The following SEMA5A variants were observed in gnomAD, a reference collection of about 807,000 sequenced individuals.
SEMA5A encodes semaphorin 5A, also known as semaphorin-5A.
In SEMA5A, 55 loss-of-function variants were observed where a neutral mutation model predicts 135.5. That is an observed-to-expected ratio of 0.41 (90% confidence interval 0.33 to 0.51). SEMA5A has a LOEUF of 0.51. SEMA5A is among the 20% of genes least tolerant of loss of function. The probability of loss-of-function intolerance (pLI) is 0.37; values close to 1 mark genes in which losing one functional copy is unlikely to be tolerated. For synonymous variants in SEMA5A, 580 were observed against 546.5 expected (o/e 1.06, Z -0.85); for missense variants, 1,290 against 1,419.9 (o/e 0.91, Z 1.47).
intron 2 of SEMA5A, among the ~76,000 whole-genome samples, chr5:9,403,549 G>A (rs1447720576): frequency 2.6e-5 from 4 of 152,144 alleles, no homozygotes; most frequent in Non-Finnish European, 5.9e-5. Flanking sequence ...CTTGTGGGTT[G>A]CTATAAGGAT....
rs180944037 is a variant in SEMA5A at position 9,225,501 on chromosome 5, G to A, written c.433-614C>T. Among the ~76,000 whole-genome samples the A allele has an allele frequency of 5.1e-3, 768 of 150,292 alleles. 2 individuals carry two copies. The highest frequency in any genetic ancestry group is 0.018 in the African/African-American group (720 of 40,770). ...GGAGAATCGCTTGAACCCAGGAGGC[G>A]GATGTTGCAGCGAGCCAAAATCGTG... On this transcript the variant is annotated intron_variant, in intron 7 of 22. Transcript: ENST00000382496.
chr5:9,350,660 C>A (rs1754073130), intron 3 of SEMA5A, among the ~76,000 whole-genome samples: 1 of 152,188 alleles, frequency 6.6e-6, no homozygotes, highest in Non-Finnish European at 1.5e-5. Context: ...ACCAAGGCTA[C>A]ATTGCATTTC....
intron 1 of SEMA5A, among the ~76,000 whole-genome samples, chr5:9,476,120 G>A (rs1028714882): frequency 1.3e-5 from 2 of 152,002 alleles, no homozygotes. Flanking sequence ...CTATGTAAAG[G>A]CCGTACATTA....
At chr5:9,162,780 A>T (rs1301688334) in intron 11 of SEMA5A, among the ~76,000 whole-genome samples, 1 of 151,890 alleles carries the variant, frequency 6.6e-6, no homozygotes, top group Non-Finnish European at 1.5e-5. Context: ...ATGGATGTTA[A>T]GGTTGGAAGG....
In SEMA5A at chr5:9,477,628, C is replaced by T. The variant is rs535904650; in HGVS notation, c.-174-39776G>A. Among the ~76,000 whole-genome samples the T allele has an allele frequency of 2.0e-5, 3 of 152,246 alleles. No homozygotes were observed. In the South Asian group the frequency reaches 6.2e-4, roughly 32 times the overall value. On this transcript the variant is annotated intron_variant, in intron 1 of 22. Transcript: ENST00000382496. ...GCCCCTGCTCTAGGGACCTGGGGAA[C>T]TTTGAACTCGAGAGAGATGATTTAG...
intron 5 of SEMA5A, among the ~76,000 whole-genome samples, chr5:9,301,030 C>T (rs1448047795): frequency 2.6e-5 from 4 of 152,154 alleles, no homozygotes; most frequent in African/African-American, 7.2e-5. Context: ...AAAGCTAATA[C>T]ACTACTAAAC....
At chr5:9,360,456 GAACT>G (rs1336562185) in intron 3 of SEMA5A, among the ~76,000 whole-genome samples, 1 of 152,158 alleles carries the variant, frequency 6.6e-6, no homozygotes, top group Non-Finnish European at 1.5e-5. Flanking sequence ...ATGCAGGAAA[GAACT>G]ATCTCAATTG....
chr5:9,246,199 C>T (rs555785560), intron 5 of SEMA5A, among the ~76,000 whole-genome samples: 11 of 150,906 alleles, frequency 7.3e-5, no homozygotes, highest in African/African-American at 2.2e-4. Flanking sequence ...AATGGTGCAT[C>T]GTCAAATTTG....
rs539318391 is a variant in SEMA5A, at chr5:9,315,633, T to G, written c.270+2739A>C. On this transcript the variant is annotated intron_variant, in intron 5 of 22. Coordinates refer to ENST00000382496, the MANE Select transcript of SEMA5A (RefSeq NM_003966.3). ...GTGATATCTGAAGGGTAGAGGCCAG[T>G]TTTTTGTAGGATGTCCCTCAGTGTA... Among the ~76,000 whole-genome samples the G allele has an allele frequency of 4.6e-5, 7 of 152,274 alleles. No individual in the cohort carries two copies. The East Asian group carries it at 1.4e-3, about 29-fold the overall frequency.
rs769995926 is a variant in SEMA5A, at chr5:9,237,882, T to A, written c.279A>T (p.Glu93Asp). 2 of 1,613,560 alleles carry A rather than the reference T, an allele frequency of 1.2e-6. No individual in the cohort carries two copies. The highest frequency in any genetic ancestry group is 1.7e-6 in the Non-Finnish European group (2 of 1,179,588). Residue 93 changes from glutamate to aspartate, a missense_variant, in exon 6 of 23, where the codon GAA (glutamate) becomes GAT (aspartate). By Grantham distance (45) the Glu-to-Asp change is conservative. Coordinates refer to ENST00000382496, the MANE Select transcript of SEMA5A (RefSeq NM_003966.3). ...TTTTGGTAGCTTCATCACACTCCCATTCCACAGCCTGTAGAAAACACCAAA... is the reference window on the plus strand; with the variant it reads ...TTTTGGTAGCTTCATCACACTCCCAATCCACAGCCTGTAGAAAACACCAAA... The part of the protein sequence containing the change: ...LEDLSLIQAV[E>D]WECDEATKKA...
intron 1 of SEMA5A, among the ~76,000 whole-genome samples, chr5:9,535,963 A>G (rs1452277924): frequency 1.3e-5 from 2 of 152,156 alleles, no homozygotes; most frequent in Non-Finnish European, 2.9e-5. Context: ...GGTCCTGTCT[A>G]TAGGCGCCAA....
In SEMA5A at chr5:9,151,852, C is replaced by T. The variant is rs183972062; in HGVS notation, c.1481+2636G>A. Among the ~76,000 whole-genome samples, 87 of 152,322 alleles carry T rather than the reference C, an allele frequency of 5.7e-4. 1 individual carries two copies. Among genetic ancestry groups the T allele is most frequent in the African/African-American group, 1.9e-3 (80 of 41,580 alleles). ...ATGATTAAGCTCCAGCTATAAATGT[C>T]AAGCTCCTTCCCTCTCAGGAGCCCA... On this transcript the variant is annotated intron_variant, in intron 12 of 22. Coordinates refer to ENST00000382496, the MANE Select transcript of SEMA5A (RefSeq NM_003966.3).
chr5:9,426,746 A>AT (rs1177245587), intron 2 of SEMA5A, among the ~76,000 whole-genome samples: 5 of 152,202 alleles, frequency 3.3e-5, no homozygotes, highest in Non-Finnish European at 7.4e-5. Flanking sequence ...TCATTTAGTA[A>AT]TTGCTCAAGA....
intron 16 of SEMA5A, among the ~76,000 whole-genome samples, chr5:9,082,661 T>G (rs1327112752): frequency 6.6e-6 from 1 of 152,116 alleles, no homozygotes; most frequent in African/African-American, 2.4e-5. Context: ...AAGTGTTAAG[T>G]GAGATAATGT....
intron 3 of SEMA5A, among the ~76,000 whole-genome samples, chr5:9,353,098 G>GAAAGGAA (rs1378151075): frequency 4.6e-5 from 1 of 21,786 alleles, no homozygotes; most frequent in Non-Finnish European, 7.4e-5. Context: ...GGAAAGGAAG[G>GAAAGGAA]AAGGAAAGGA....
chr5:9,412,987 T>A (rs536541651), intron 2 of SEMA5A, among the ~76,000 whole-genome samples: 6 of 152,336 alleles, frequency 3.9e-5, no homozygotes, highest in African/African-American at 1.4e-4. Flanking sequence ...GTTTCGTTCA[T>A]AATGTGTACC....
intron 3 of SEMA5A, among the ~76,000 whole-genome samples, chr5:9,352,195 T>C (rs1754153919): frequency 6.6e-6 from 1 of 152,070 alleles, no homozygotes; most frequent in Non-Finnish European, 1.5e-5. Flanking sequence ...ACATGGGTCA[T>C]ATCAAAGCAG....
At chr5:9,395,418 G>T (rs1756347469) in intron 2 of SEMA5A, among the ~76,000 whole-genome samples, 1 of 152,162 alleles carries the variant, frequency 6.6e-6, no homozygotes, top group South Asian at 2.1e-4. Flanking sequence ...GCGTACAGGT[G>T]TAGCCTGTAA....
chr5:9,366,146 A>G (rs1754904483), intron 3 of SEMA5A, among the ~76,000 whole-genome samples: 1 of 152,226 alleles, frequency 6.6e-6, no homozygotes, highest in Non-Finnish European at 1.5e-5. Context: ...TAAAACATGT[A>G]TGTTAATATT....
Sources: allele counts gnomAD v4.1 joint callset (sites outside exome capture counted in the v4.1 genomes callset), GRCh38; gene constraint gnomAD v4.1.1; transcripts MANE v1.5; gene names NCBI Gene and HGNC (gene_info 2026-07-23, HGNC 2026-07-21).